The following GPR89B variants were observed in gnomAD, a reference collection of about 807,000 sequenced individuals.
GPR89B encodes the protein G protein-coupled receptor 89B.
In GPR89B, 25 loss-of-function variants were observed where a neutral mutation model predicts 52.4. The observed-to-expected ratio is 0.48, with a 90% CI of 0.35 to 0.67. GPR89B has a LOEUF of 0.67. Among genes scored for constraint, GPR89B ranks in the 30% least tolerant of loss-of-function variants. The probability of loss-of-function intolerance (pLI) is 0.01; values close to 1 mark genes in which losing one functional copy is unlikely to be tolerated. For synonymous variants in GPR89B, 52 were observed against 151.2 expected (o/e 0.34, Z 4.81); for missense variants, 146 against 450.2 (o/e 0.32, Z 6.11).
intron 2 of GPR89B, among the ~76,000 whole-genome samples, chr1:147,937,939 A>T (rs1196259388): frequency 6.6e-6 from 1 of 152,222 alleles, no homozygotes; most frequent in African/African-American, 2.4e-5. Context: ...GGAACTAATA[A>T]ATGTCCATGA....
the GPR89B span, chr1:148,010,826 T>A: frequency 6.6e-6 from 1 of 152,272 alleles, no homozygotes; most frequent in African/African-American, 2.4e-5. Context: ...GTATAGAGCC[T>A]GTTTCACAAT....
At chr1:147,946,732 G>A (rs1408343246) in intron 5 of GPR89B, among the ~76,000 whole-genome samples, 4 of 152,184 alleles carry the variant, frequency 2.6e-5, no homozygotes, top group Non-Finnish European at 4.4e-5. Context: ...GAGGGAAGAT[G>A]AAGGCCATTG....
Position 147,988,535 on chromosome 1 carries a change from C to T in GPR89B, c.1095+14C>T. ...ACTCTTACCAAGGTATGTTTTATCACAGTGTTAAAAAGTACTGCTTATCAT... is the reference window on the plus strand; with the variant it reads ...ACTCTTACCAAGGTATGTTTTATCATAGTGTTAAAAAGTACTGCTTATCAT... On this transcript the variant is annotated intron_variant, in intron 12 of 13. Coordinates refer to ENST00000314163, the MANE Select transcript of GPR89B (RefSeq NM_016334.5). 1 of 1,235,332 alleles carries T rather than the reference C, an allele frequency of 8.1e-7. No homozygotes were observed. The highest frequency in any genetic ancestry group is 1.7e-5 in the Admixed American group (1 of 57,592). 76.5% of individuals were successfully genotyped at this position (1,235,332 alleles called of 1,614,324 possible).
At chr1:147,951,720 G>A (rs1655718001) in intron 5 of GPR89B, among the ~76,000 whole-genome samples, 1 of 151,976 alleles carries the variant, frequency 6.6e-6, no homozygotes, top group Non-Finnish European at 1.5e-5. Context: ...GTAGGGGCAA[G>A]CTGGCTTTGC....
In GPR89B at chr1:147,928,519, C is replaced by G. The variant is rs2149027748; in HGVS notation, c.-18C>G. On this transcript the variant is annotated 5_prime_UTR_variant, in exon 1 of 14. Transcript: ENST00000314163. ...CGGGAGTGGGAAGTGGAGGCAGGAG[C>G]CTTCCTTACACTTCGCCATGAGTTT... 8.1e-6 allele frequency: 13 copies of G among 1,613,888 alleles called. No individual in the cohort carries two copies. The highest frequency in any genetic ancestry group is 4.5e-5 in the East Asian group (2 of 44,856).
At position 147,993,425 on chromosome 1, in the gene GPR89B, T is replaced by A. The variant is rs1571328378; in HGVS notation, c.*508T>A. On this transcript the variant is annotated 3_prime_UTR_variant, in exon 14 of 14. Coordinates refer to ENST00000314163, the MANE Select transcript of GPR89B (RefSeq NM_016334.5). ...CTAACATGAGTTAGCATCCCACACC[T>A]CCTCTTCTGATCCTGCCCCATTAAA... is the stretch of plus-strand genomic sequence containing the variant. The A allele has an allele frequency of 4.4e-6, 1 of 225,684 alleles. No homozygotes were observed. The highest frequency in any genetic ancestry group is 1.1e-4 in the East Asian group (1 of 8,706). 14.0% of individuals were successfully genotyped at this position (225,684 alleles called of 1,614,324 possible). A position where few individuals can be genotyped will look rare whatever the true frequency, so the allele number is the denominator to read the frequency against.
the GPR89B span, among the ~76,000 whole-genome samples, chr1:148,019,958 G>A: frequency 2.0e-5 from 3 of 151,726 alleles, no homozygotes; most frequent in Non-Finnish European, 4.4e-5. Context: ...AGGTGTAGGA[G>A]GAGAGAAGCT....
chr1:147,986,155 G>T, intron 10 of GPR89B, 44 bp from the exon 11 acceptor site: 1 of 1,609,712 alleles, frequency 6.2e-7, no homozygotes, highest in Non-Finnish European at 8.5e-7. Flanking sequence ...GAAATAGTAA[G>T]TGATTGTTAA....
At chr1:147,994,768 C>G (rs1263022371), downstream of GPR89B, among the ~76,000 whole-genome samples, 1 of 151,728 alleles carries the variant, frequency 6.6e-6, no homozygotes, top group Non-Finnish European at 1.5e-5. Context: ...TTAAGCATTC[C>G]TGAATACAAA....
At chr1:148,022,898 A>G in the GPR89B span, among the ~76,000 whole-genome samples, 1 of 151,426 alleles carries the variant, frequency 6.6e-6, no homozygotes, top group East Asian at 1.9e-4. Context: ...GTAATATTTA[A>G]TTTTTAAAAT....
At chr1:147,968,310 G>A (rs1166013457) in intron 8 of GPR89B, 3 of 453,690 alleles carry the variant, frequency 6.6e-6, no homozygotes, top group Non-Finnish European at 1.3e-5. Context: ...GTGACTTTGA[G>A]CAAGTTATTT....
chr1:148,011,032 A>T, the GPR89B span: 7 of 152,156 alleles, frequency 4.6e-5, no homozygotes, highest in Admixed American at 3.3e-4. Flanking sequence ...CTTCAAAATT[A>T]GATCTAGTGA....
At chr1:147,962,921 A>T (rs1347946103) in intron 7 of GPR89B, among the ~76,000 whole-genome samples, 2 of 151,230 alleles carry the variant, frequency 1.3e-5, no homozygotes, top group Non-Finnish European at 2.9e-5. Flanking sequence ...AAAACAGATA[A>T]TAGACTAAAA....
At chr1:147,998,915 A>G in the GPR89B span, among the ~76,000 whole-genome samples, 5 of 150,166 alleles carry the variant, frequency 3.3e-5, no homozygotes, top group Admixed American at 3.3e-4. Context: ...GATTTTATTC[A>G]TGCTTCATTC....
chr1:148,020,592 G>A, the GPR89B span, among the ~76,000 whole-genome samples: 3 of 151,192 alleles, frequency 2.0e-5, no homozygotes, highest in Admixed American at 6.6e-5. Flanking sequence ...TTACTGTGCC[G>A]CGCTAATAAA....
intron 5 of GPR89B, among the ~76,000 whole-genome samples, chr1:147,944,809 A>G (rs868960929): frequency 0.017 from 2,322 of 139,920 alleles, no homozygotes; most frequent in African/African-American, 0.062. Context: ...GAATCTATCT[A>G]AAAAGATTAG....
chr1:147,957,037 C>A (rs1270037628), intron 7 of GPR89B, among the ~76,000 whole-genome samples: 1 of 151,822 alleles, frequency 6.6e-6, no homozygotes, highest in Non-Finnish European at 1.5e-5. Flanking sequence ...CCATGCCCAG[C>A]CTTATTGTCC....
the GPR89B span, among the ~76,000 whole-genome samples, chr1:148,016,859 A>C: frequency 6.6e-6 from 1 of 150,938 alleles, no homozygotes; most frequent in Non-Finnish European, 1.5e-5. Context: ...TTTAAAAAAA[A>C]ATCTTTTGTC....
chr1:147,961,401 A>G (rs2149068021), intron 7 of GPR89B, among the ~76,000 whole-genome samples: 1 of 152,366 alleles, frequency 6.6e-6, no homozygotes, highest in South Asian at 2.1e-4. Flanking sequence ...AGGCAAAAGT[A>G]AAGAGAAAAT....
Sources: allele counts gnomAD v4.1 joint callset (sites outside exome capture counted in the v4.1 genomes callset), GRCh38; gene constraint gnomAD v4.1.1; transcripts MANE v1.5; gene names NCBI Gene and HGNC (gene_info 2026-07-23, HGNC 2026-07-21).